MYO1E: variants seen among roughly 807,000 people sequenced by gnomAD.
MYO1E encodes the protein myosin IE.
Under a neutral mutation model 151.1 loss-of-function variants are expected in MYO1E, and 68 were observed. The ratio of observed to expected loss-of-function variants is 0.45; its 90% CI spans 0.37 to 0.55. The LOEUF is 0.55. Among genes scored for constraint, MYO1E ranks in the 20% least tolerant of loss-of-function variants. The probability of loss-of-function intolerance (pLI) is 0.00; values close to 1 mark genes in which losing one functional copy is unlikely to be tolerated. For missense variants in MYO1E, 1,363 were observed against 1,389.3 expected (o/e 0.98, Z 0.30); for synonymous variants, 601 against 501.7 (o/e 1.20, Z -2.64).
chr15:59,351,953 A>G (rs1424503611), intron 1 of MYO1E, among the ~76,000 whole-genome samples: 5 of 152,142 alleles, frequency 3.3e-5, no homozygotes, highest in African/African-American at 1.2e-4. Flanking sequence ...CCCATTCTGG[A>G]TCTCTTTCTT....
At chr15:59,294,244 T>C (rs1317840510) in intron 1 of MYO1E, among the ~76,000 whole-genome samples, 1 of 152,178 alleles carries the variant, frequency 6.6e-6, no homozygotes, top group Non-Finnish European at 1.5e-5. Context: ...GTGAGTTCTA[T>C]CTCATGATCG....
intron 1 of MYO1E, among the ~76,000 whole-genome samples, chr15:59,299,243 T>A (rs1434783575): frequency 6.6e-6 from 1 of 152,210 alleles, no homozygotes; most frequent in Non-Finnish European, 1.5e-5. Flanking sequence ...CATTTAGGAT[T>A]CATTTATCCC....
rs563667105 is a variant in MYO1E at position 59,279,811 on chromosome 15, T to C, written c.4-7362A>G. Among the ~76,000 whole-genome samples, 131 of 152,324 alleles carry C rather than the reference T, an allele frequency of 8.6e-4. 1 individual carries two copies. Among genetic ancestry groups the C allele is most frequent in the African/African-American group, 3.0e-3 (125 of 41,554 alleles). ...AACAAGGGATGGTAAGGAGCCCCAATTTTGTTTTGATTGAACGTATGATAG... is the reference window on the plus strand; with the variant it reads ...AACAAGGGATGGTAAGGAGCCCCAACTTTGTTTTGATTGAACGTATGATAG... On this transcript the variant is annotated intron_variant, in intron 1 of 27. Transcript: ENST00000288235.
chr15:59,237,276 C>T (rs1355215342), intron 4 of MYO1E, among the ~76,000 whole-genome samples: 3 of 152,158 alleles, frequency 2.0e-5, no homozygotes, highest in African/African-American at 7.2e-5. Context: ...AGGTTTCAAA[C>T]CATGTGCCTT....
intron 1 of MYO1E, among the ~76,000 whole-genome samples, chr15:59,290,972 G>C (rs1458781696): frequency 6.6e-6 from 1 of 152,170 alleles, no homozygotes; most frequent in Non-Finnish European, 1.5e-5. Flanking sequence ...GCATTAGGTA[G>C]AAAAGAGTGT....
At chr15:59,216,594 G>A (rs56339201) in intron 10 of MYO1E, among the ~76,000 whole-genome samples, 1 of 100,468 alleles carries the variant, frequency 1.0e-5, no homozygotes, top group East Asian at 2.5e-4. Context: ...GTGTGTGTGT[G>A]TATCTATCTA....
chr15:59,366,151 G>T (rs1016617478), intron 1 of MYO1E, among the ~76,000 whole-genome samples: 1 of 151,792 alleles, frequency 6.6e-6, no homozygotes, highest in East Asian at 1.9e-4. Flanking sequence ...GGCTACTTTT[G>T]TATTTTTAGT....
intron 21 of MYO1E, among the ~76,000 whole-genome samples, chr15:59,172,927 G>C (rs2079604011): frequency 6.6e-6 from 1 of 152,212 alleles, no homozygotes; most frequent in African/African-American, 2.4e-5. Flanking sequence ...GAATGGTTTG[G>C]TTTTAGCAAA....
At position 59,371,219 on chromosome 15, in the gene MYO1E, T is replaced by G. The variant is rs189670795; in HGVS notation, c.3+1279A>C. Among the ~76,000 whole-genome samples, 564 of 152,314 alleles carry G rather than the reference T, an allele frequency of 3.7e-3. 4 individuals are homozygous for G. Among genetic ancestry groups the G allele is most frequent in the African/African-American group, 0.013 (549 of 41,568 alleles). On this transcript the variant is annotated intron_variant, in intron 1 of 27. Coordinates refer to ENST00000288235, the MANE Select transcript of MYO1E (RefSeq NM_004998.4). ...ACGGGGCAAGGGGGCTTCTGAGCTTTGTGTGCAGGTTTCGATGGGCCTCTG... is the reference window on the plus strand; with the variant it reads ...ACGGGGCAAGGGGGCTTCTGAGCTTGGTGTGCAGGTTTCGATGGGCCTCTG...
At chr15:59,154,822 T>C (rs2079500943) in intron 25 of MYO1E, among the ~76,000 whole-genome samples, 1 of 152,244 alleles carries the variant, frequency 6.6e-6, no homozygotes. Context: ...ATCCTTATTA[T>C]TGCAGAAATA....
intron 2 of MYO1E, among the ~76,000 whole-genome samples, chr15:59,263,448 T>C (rs1156491871): frequency 6.6e-6 from 1 of 152,246 alleles, no homozygotes; most frequent in Non-Finnish European, 1.5e-5. Context: ...TGGCTTAACA[T>C]GCCAGGTGCT....
chr15:59,212,709 T>C (rs1596368206), intron 12 of MYO1E: 1 of 152,168 alleles, frequency 6.6e-6, no homozygotes, highest in East Asian at 1.9e-4. Flanking sequence ...CATGGCAGGG[T>C]ATTGTGAAAA....
At chr15:59,330,027 A>G (rs1208356565) in intron 1 of MYO1E, among the ~76,000 whole-genome samples, 1 of 152,182 alleles carries the variant, frequency 6.6e-6, no homozygotes. Context: ...AGAATTAACC[A>G]TTCCCAGCTT....
At chr15:59,249,004 C>G (rs2080147929) in intron 4 of MYO1E, among the ~76,000 whole-genome samples, 1 of 152,206 alleles carries the variant, frequency 6.6e-6, no homozygotes, top group Non-Finnish European at 1.5e-5. Flanking sequence ...CTTGGCAAGT[C>G]AGTCTACCCA....
intron 15 of MYO1E, 26 bp downstream of exon 15, chr15:59,205,374 T>C (rs774323923): frequency 1.9e-5 from 30 of 1,606,040 alleles, no homozygotes; most frequent in African/African-American, 2.7e-5. Context: ...CTATATCCCC[T>C]GTCAGCTATG....
chr15:59,177,084 A>G (rs560900253), intron 19 of MYO1E, among the ~76,000 whole-genome samples: 1 of 152,350 alleles, frequency 6.6e-6, no homozygotes, highest in East Asian at 1.9e-4. Flanking sequence ...TGAAACAAGG[A>G]GTTCTGCATT....
At chr15:59,320,615 G>A (rs1197758870) in intron 1 of MYO1E, among the ~76,000 whole-genome samples, 1 of 152,204 alleles carries the variant, frequency 6.6e-6, no homozygotes, top group African/African-American at 2.4e-5. Context: ...AATGGTGCTA[G>A]GGTGCTTGGC....
At chr15:59,145,084 C>A (rs1391660238) in intron 26 of MYO1E, among the ~76,000 whole-genome samples, 1 of 152,164 alleles carries the variant, frequency 6.6e-6, no homozygotes, top group Non-Finnish European at 1.5e-5. Context: ...CTCAACTGAT[C>A]CACCTGCCTC....
chr15:59,152,555 T>C (rs527646856), intron 26 of MYO1E, among the ~76,000 whole-genome samples: 1 of 152,262 alleles, frequency 6.6e-6, no homozygotes, highest in Admixed American at 6.5e-5. Context: ...GTCCTTATGA[T>C]CATCACCCTG....
Sources: gnomAD v4.1 joint callset for allele counts (sites outside exome capture counted in the v4.1 genomes callset) on GRCh38, gnomAD v4.1.1 for gene constraint, MANE v1.5 for transcripts, NCBI Gene and HGNC (gene_info 2026-07-23, HGNC 2026-07-21) for gene names.